Variants in SYNE2 observed in about 807,000 individuals in gnomAD.
SYNE2 encodes the protein nesprin-2.
In SYNE2, 431 loss-of-function variants were observed where a neutral mutation model predicts 856.3. The observed-to-expected ratio is 0.50, with a 90% CI of 0.47 to 0.55. SYNE2 has a LOEUF of 0.55. SYNE2 is among the 20% of genes least tolerant of loss of function. The pLI, the probability that SYNE2 is intolerant of heterozygous loss-of-function variation, is 0.00. For missense variants in SYNE2, 8,129 were observed against 8,023.2 expected (o/e 1.01, Z -0.50); for synonymous variants, 2,923 against 2,872.3 (o/e 1.02, Z -0.56).
At chr14:63,935,675 T>A (rs2095821668) in intron 2 of SYNE2, among the ~76,000 whole-genome samples, 1 of 152,144 alleles carries the variant, frequency 6.6e-6, no homozygotes, top group African/African-American at 2.4e-5. Flanking sequence ...AAAGGTAGAT[T>A]TGCTTCAATA....
intron 1 of SYNE2, among the ~76,000 whole-genome samples, chr14:63,769,330 T>G (rs1261016326): frequency 6.6e-6 from 1 of 152,186 alleles, no homozygotes; most frequent in East Asian, 1.9e-4. Context: ...ATCCCAGCAC[T>G]TTGGGAGGCC....
chr14:63,772,118 C>T (rs1209016694), intron 1 of SYNE2, among the ~76,000 whole-genome samples: 1 of 151,734 alleles, frequency 6.6e-6, no homozygotes, highest in Non-Finnish European at 1.5e-5. Flanking sequence ...TTTGGGAGGC[C>T]AAGATGCATG....
chr14:64,209,052 G>C, intron 101 of SYNE2, 107 bp downstream of exon 101: 2 of 1,375,620 alleles, frequency 1.5e-6, no homozygotes, highest in South Asian at 2.5e-5. Context: ...TTAGAAATGC[G>C]CCAGGTATTG....
At chr14:64,171,937 G>A (rs1299987915) in intron 94 of SYNE2, among the ~76,000 whole-genome samples, 1 of 152,136 alleles carries the variant, frequency 6.6e-6, no homozygotes, top group East Asian at 1.9e-4. Flanking sequence ...TGCAACCTCT[G>A]CCTCCCAGGT....
chr14:64,132,343 A>G lies in SYNE2; in HGVS notation c.14419A>G (p.Asn4807Asp). 6.2e-7 allele frequency: 1 copy of G among 1,614,174 alleles called. No individual in the cohort carries two copies. Among genetic ancestry groups the G allele is most frequent in the Admixed American group, 1.7e-5 (1 of 60,018 alleles). ...CAAAATACTTCCTTCTTTATTGCAAAACAGAGAGACATTTTGGGCAGAACA... is the reference window on the plus strand; with the variant it reads ...CAAAATACTTCCTTCTTTATTGCAAGACAGAGAGACATTTTGGGCAGAACA... ...SAKILPSLLQ[N>D]RETFWAEQVT... Residue 4807 changes from asparagine to aspartate, a missense_variant, in exon 77 of 116, where the codon AAC becomes GAC. Around this residue, in one of 3 missense-constraint regions of SYNE2, gnomAD observed 5,410 missense variants for 5,284.8 expected, o/e 1.02. Coordinates refer to ENST00000555002, the MANE Select transcript of SYNE2 (RefSeq NM_182914.3).
At chr14:63,937,439 A>G (rs1322122302) in intron 2 of SYNE2, among the ~76,000 whole-genome samples, 1 of 152,198 alleles carries the variant, frequency 6.6e-6, no homozygotes, top group Non-Finnish European at 1.5e-5. Flanking sequence ...GGGATGGGAT[A>G]TAGTGTACAA....
At chr14:63,831,903 C>T (rs976523574) in intron 1 of SYNE2, among the ~76,000 whole-genome samples, 1 of 152,094 alleles carries the variant, frequency 6.6e-6, no homozygotes, top group East Asian at 1.9e-4. Context: ...TAAAATATCA[C>T]ATTATTTTAA....
chr14:64,225,603 G>A lies in SYNE2; in HGVS notation c.*77G>A. 6.7e-7 allele frequency: 1 copy of A among 1,487,266 alleles called. No individual in the cohort carries two copies. The highest frequency in any genetic ancestry group is 9.3e-7 in the Non-Finnish European group (1 of 1,078,396). The allele number at this position is 1,487,266 out of a possible 1,614,324, so 92.1% of individuals were successfully genotyped here. A position where few individuals can be genotyped will look rare whatever the true frequency, so the allele number is the denominator to read the frequency against. On this transcript the variant is annotated 3_prime_UTR_variant, in exon 116 of 116. Coordinates refer to ENST00000555002, the MANE Select transcript of SYNE2 (RefSeq NM_182914.3). ...CCAGCACGTGGCCCCAGACCAATCT[G>A]AGTGACTTAGTGTTGGCAAGGTCCC...
intron 2 of SYNE2, among the ~76,000 whole-genome samples, chr14:63,923,478 G>T (rs1048216061): frequency 1.3e-5 from 2 of 152,146 alleles, no homozygotes; most frequent in South Asian, 2.1e-4. Context: ...ACAAACTCCT[G>T]CTCCCTCCTT....
At chr14:63,920,716 G>A (rs577452622) in intron 2 of SYNE2, among the ~76,000 whole-genome samples, 15 of 151,894 alleles carry the variant, frequency 9.9e-5, no homozygotes, top group East Asian at 9.7e-4. Flanking sequence ...AGAGGTGGCC[G>A]TGGAGATGGA....
At chr14:63,782,611 T>C (rs1014250683) in intron 1 of SYNE2, among the ~76,000 whole-genome samples, 7 of 151,622 alleles carry the variant, frequency 4.6e-5, no homozygotes, top group African/African-American at 1.7e-4. Context: ...ACCCATTGAA[T>C]AAAATAAGAC....
chr14:63,888,472 C>A (rs1194539921), intron 1 of SYNE2, among the ~76,000 whole-genome samples: 1 of 152,152 alleles, frequency 6.6e-6, no homozygotes, highest in African/African-American at 2.4e-5. Context: ...GCCTATTCAC[C>A]ATTCCTACCC....
At position 64,030,183 on chromosome 14, in the gene SYNE2, A is replaced by G; in HGVS notation, c.6879+124A>G. On this transcript the variant is annotated intron_variant, in intron 44 of 115. Transcript: ENST00000555002. ...TATTCAGATGACTCTTAGGTAATTA[A>G]AGCTCTGACCAGTCATAATAAATGA... is the stretch of plus-strand genomic sequence containing the variant. 5.4e-6 allele frequency: 5 copies of G among 930,062 alleles called. No individual in the cohort carries two copies. In the East Asian group the frequency reaches 1.0e-4, roughly 19 times the overall value. The allele number at this position is 930,062 out of a possible 1,614,324, so 57.6% of individuals were successfully genotyped here.
chr14:64,019,346 G>A (rs751307489), intron 34 of SYNE2, among the ~76,000 whole-genome samples: 2 of 151,960 alleles, frequency 1.3e-5, no homozygotes, highest in Admixed American at 6.6e-5. Context: ...GTGGTTCAAC[G>A]TAACATAAAA....
chr14:64,188,517 A>G (rs1475647611), intron 97 of SYNE2, 33 bp from the exon 98 acceptor site: 2 of 1,614,100 alleles, frequency 1.2e-6, no homozygotes, highest in Non-Finnish European at 1.7e-6. Flanking sequence ...CTTCCTGGCT[A>G]TACTCAGCTG....
intron 1 of SYNE2, among the ~76,000 whole-genome samples, chr14:63,827,706 A>G (rs187520289): frequency 1.9e-3 from 279 of 150,238 alleles, no homozygotes; most frequent in African/African-American, 6.5e-3. Flanking sequence ...TTTTTTTTAC[A>G]GCAAAGAAAG....
intron 1 of SYNE2, among the ~76,000 whole-genome samples, chr14:63,866,550 C>G (rs1243261463): frequency 1.3e-5 from 2 of 152,008 alleles, no homozygotes; most frequent in Admixed American, 6.6e-5. Context: ...TTTGGACAAC[C>G]TACAGTGCAA....
upstream of SYNE2, among the ~76,000 whole-genome samples, chr14:63,850,267 T>A (rs954185055): frequency 2.9e-5 from 4 of 136,274 alleles, no homozygotes; most frequent in Non-Finnish European, 6.3e-5. Context: ...TTTTTTTTTT[T>A]AGTAGAGACG....
At chr14:64,220,666 G>A (rs1285845504) in intron 111 of SYNE2, 29 bp downstream of exon 111, 1 of 1,611,492 alleles carries the variant, frequency 6.2e-7, no homozygotes, top group Admixed American at 1.7e-5. Flanking sequence ...CCGCCTCCCA[G>A]AGCCGGTACC....
Sources: gnomAD v4.1 joint callset for allele counts (sites outside exome capture counted in the v4.1 genomes callset) on GRCh38, gnomAD v4.1.1 for gene constraint, gnomAD v4.1.1 regional missense constraint, MANE v1.5 for transcripts, NCBI Gene and HGNC (gene_info 2026-07-23, HGNC 2026-07-21) for gene names.